Variants in APBB2 observed in about 807,000 individuals in gnomAD.
APBB2 encodes the protein Fe65-like 1.
A neutral mutation model predicts 82.5 loss-of-function variants in APBB2; 38 were observed. The ratio of observed to expected loss-of-function variants is 0.46; its 90% CI spans 0.36 to 0.60. The LOEUF (loss-of-function observed/expected upper bound fraction) is 0.60, where lower values mean the gene tolerates loss of function less well. APBB2 is among the 20% of genes least tolerant of loss of function. The probability of loss-of-function intolerance (pLI) is 0.00; values close to 1 mark genes in which losing one functional copy is unlikely to be tolerated. For missense variants in APBB2, 772 were observed against 972.3 expected (o/e 0.79, Z 2.74); for synonymous variants, 341 against 368.2 (o/e 0.93, Z 0.85).
At chr4:41,131,089 A>G (rs1260004446) in intron 2 of APBB2, among the ~76,000 whole-genome samples, 1 of 152,220 alleles carries the variant, frequency 6.6e-6, no homozygotes, top group Admixed American at 6.5e-5. Flanking sequence ...TGTTTCCAAC[A>G]CATTAAAAGT....
In APBB2 at chr4:40,890,486, T is replaced by C. The variant is rs1295325055; in HGVS notation, c.1407A>G (p.Lys469=). Residue 469 remains lysine (K), a synonymous_variant, in exon 12 of 18, where the codon AAA becomes AAG. Transcript: ENST00000508593. ...CATTCTCCAGGATCAGGTACATGTCTTTCCCCTGGGACACAACGAGAAAAC... is the reference window on the plus strand; with the variant it reads ...CATTCTCCAGGATCAGGTACATGTCCTTCCCCTGGGACACAACGAGAAAAC... ...RDTVGIWGEG[K]DMYLILENDM... 5 of 1,613,704 alleles carry C rather than the reference T, an allele frequency of 3.1e-6. No individual in the cohort carries two copies. Among genetic ancestry groups the C allele is most frequent in the African/African-American group, 1.3e-5 (1 of 74,840 alleles).
Position 40,827,195 on chromosome 4 carries a change from T to C in APBB2, c.1669A>G (p.Lys557Glu). 1.2e-6 allele frequency: 2 copies of C among 1,614,206 alleles called. No homozygotes were observed. The highest frequency in any genetic ancestry group is 1.7e-6 in the Non-Finnish European group (2 of 1,180,030). ...TGTAAGGAGCTGCAGGCCAGCGCTTTGGCATTCTTCCGTTCAGCCATAATC... is the reference window on the plus strand; with the variant it reads ...TGTAAGGAGCTGCAGGCCAGCGCTTCGGCATTCTTCCGTTCAGCCATAATC... The part of the protein sequence containing the change: ...SKIMAERKNA[K>E]ALACSSLQER... Residue 557 changes from lysine (K) to glutamate (E), a missense_variant, in exon 14 of 18, where the codon AAA becomes GAA. By Grantham distance (56) the Lys-to-Glu change is moderately conservative (BLOSUM62 1). Transcript: ENST00000508593.
intron 2 of APBB2, among the ~76,000 whole-genome samples, chr4:41,134,451 G>A (rs1376380606): frequency 1.3e-5 from 2 of 152,114 alleles, no homozygotes; most frequent in Non-Finnish European, 2.9e-5. Flanking sequence ...AGGCATGGTG[G>A]CGGGTGCCTG....
intron 10 of APBB2, among the ~76,000 whole-genome samples, chr4:40,914,918 T>C (rs1779478155): frequency 6.6e-6 from 1 of 152,214 alleles, no homozygotes; most frequent in African/African-American, 2.4e-5. Context: ...CCTGGGTTTT[T>C]GTCCTAGTTC....
At chr4:41,040,711 C>G (rs888572415) in intron 4 of APBB2, among the ~76,000 whole-genome samples, 4 of 152,122 alleles carry the variant, frequency 2.6e-5, no homozygotes, top group Non-Finnish European at 4.4e-5. Context: ...CAAGACAATT[C>G]TCACCACATT....
intron 4 of APBB2, among the ~76,000 whole-genome samples, chr4:41,036,686 G>C (rs530944690): frequency 2.0e-5 from 3 of 152,288 alleles, no homozygotes; most frequent in African/African-American, 7.2e-5. Flanking sequence ...GCTTTCCTGA[G>C]AAAGTCAAAT....
intron 2 of APBB2, chr4:41,114,158 G>A (rs1487443116): frequency 1.3e-5 from 2 of 152,226 alleles, no homozygotes; most frequent in East Asian, 3.8e-4. Flanking sequence ...GAGAAGCAAG[G>A]CTGGTTCAAC....
chr4:40,956,743 C>T (rs35245426), intron 6 of APBB2, among the ~76,000 whole-genome samples: 33,716 of 151,920 alleles, frequency 0.22, 4,134 homozygotes, highest in African/African-American at 0.31. Context: ...CTATTTGTAG[C>T]TGAGGATTTT....
chr4:40,941,995 G>T (rs991897547), intron 7 of APBB2, among the ~76,000 whole-genome samples: 1 of 152,070 alleles, frequency 6.6e-6, no homozygotes, highest in African/African-American at 2.4e-5. Flanking sequence ...GTAAATATTT[G>T]ATTTCTCTTA....
chr4:41,044,688 C>T (rs150448500), intron 4 of APBB2, among the ~76,000 whole-genome samples: 3 of 152,240 alleles, frequency 2.0e-5, no homozygotes, highest in Non-Finnish European at 2.9e-5. Context: ...TAAGAGTTTC[C>T]GTCAAAAAGT....
In APBB2 at chr4:40,810,610, G is replaced by GAAGA. The variant is rs1744223521; in HGVS notation, c.*5478_*5481dup. The GAAGA allele has an allele frequency of 7.1e-6, 1 of 141,628 alleles. No individual in the cohort carries two copies. Among genetic ancestry groups the GAAGA allele is most frequent in the Non-Finnish European group, 1.5e-5 (1 of 65,126 alleles). 8.8% of individuals were successfully genotyped at this position (141,628 alleles called of 1,614,324 possible). A position where few individuals can be genotyped will look rare whatever the true frequency, so the allele number is the denominator to read the frequency against. On this transcript the variant is annotated 3_prime_UTR_variant, in exon 18 of 18. Transcript: ENST00000508593. ...AAAAAAAAAAAAAAAAAGTGTCAATGAAGAAAGGAAACAAGACTTTTTATA... is the reference window on the plus strand; with the variant it reads ...AAAAAAAAAAAAAAAAAGTGTCAATGAAGAAAGAAAGGAAACAAGACTTTTTATA...
intron 12 of APBB2, among the ~76,000 whole-genome samples, chr4:40,867,826 AG>A (rs1240636264): frequency 6.7e-6 from 1 of 148,462 alleles, no homozygotes; most frequent in Non-Finnish European, 1.5e-5. Context: ...GAGCTGATCT[AG>A]GTTTTGTGGG....
chr4:40,990,553 C>T (rs1436604238), intron 6 of APBB2, among the ~76,000 whole-genome samples: 1 of 152,162 alleles, frequency 6.6e-6, no homozygotes, highest in Non-Finnish European at 1.5e-5. Flanking sequence ...GCAAACAGCT[C>T]AGGATTTCCA....
At chr4:41,179,816 TA>T (rs888850867) in intron 1 of APBB2, among the ~76,000 whole-genome samples, 29 of 152,238 alleles carry the variant, frequency 1.9e-4, no homozygotes, top group Admixed American at 1.7e-3. Flanking sequence ...CATACTGGCA[TA>T]AAAAAGAACT....
chr4:40,948,432 C>T (rs188484597), intron 6 of APBB2, among the ~76,000 whole-genome samples: 4 of 152,158 alleles, frequency 2.6e-5, no homozygotes, highest in Admixed American at 2.6e-4. Context: ...ATTAGCCGGG[C>T]TTGTTGGCAC....
At chr4:41,099,959 C>A (rs1053916856) in intron 3 of APBB2, among the ~76,000 whole-genome samples, 3 of 151,948 alleles carry the variant, frequency 2.0e-5, no homozygotes, top group Non-Finnish European at 4.4e-5. Context: ...AAAAACAGAT[C>A]GACTTTATAG....
At chr4:41,088,376 G>C (rs1472998510) in intron 3 of APBB2, among the ~76,000 whole-genome samples, 1 of 152,194 alleles carries the variant, frequency 6.6e-6, no homozygotes, top group Admixed American at 6.5e-5. Flanking sequence ...CCCTAGCAAA[G>C]GAACTTCCTA....
intron 17 of APBB2, 120 bp downstream of exon 17, chr4:40,821,751 A>T: frequency 8.6e-7 from 1 of 1,164,796 alleles, no homozygotes; most frequent in Non-Finnish European, 1.2e-6. Context: ...GTTATAAAGT[A>T]AAGCATTACT....
chr4:41,089,732 A>G (rs73248254), intron 3 of APBB2, among the ~76,000 whole-genome samples: 20,659 of 152,242 alleles, frequency 0.14, 1,797 homozygotes, highest in Non-Finnish European at 0.19. Context: ...CAGATTACAT[A>G]ATATCAGTCC....
Sources: allele counts gnomAD v4.1 joint callset (sites outside exome capture counted in the v4.1 genomes callset), GRCh38; gene constraint gnomAD v4.1.1; transcripts MANE v1.5; gene names NCBI Gene and HGNC (gene_info 2026-07-23, HGNC 2026-07-21).